Variants in TENM4 observed in about 807,000 individuals in gnomAD.
The protein encoded by TENM4 is teneurin transmembrane protein 4.
A neutral mutation model predicts 243.3 loss-of-function variants in TENM4; 82 were observed. That is an observed-to-expected ratio of 0.34 (90% CI 0.28 to 0.40). TENM4 has a LOEUF of 0.40. Among genes scored for constraint, TENM4 ranks in the 10% least tolerant of loss-of-function variants. TENM4 has a pLI of 1.00. For synonymous variants in TENM4, 1,412 were observed against 1,456.3 expected, an observed-to-expected ratio of 0.97 and a Z score of 0.69; for missense variants, 3,138 against 3,673.3, an observed-to-expected ratio of 0.85 and a Z score of 3.77.
chr11:79,350,979 C>T (rs1857405102), intron 1 of TENM4, among the ~76,000 whole-genome samples: 1 of 152,120 alleles, frequency 6.6e-6, no homozygotes, highest in Non-Finnish European at 1.5e-5. Context: ...TCAGACCTCA[C>T]TGCCTTCCTA....
chr11:79,316,058 T>C (rs1008047709), intron 1 of TENM4, among the ~76,000 whole-genome samples: 13 of 152,216 alleles, frequency 8.5e-5, no homozygotes, highest in African/African-American at 2.7e-4. Context: ...TTATTAGGAA[T>C]TGCATTTTCA....
intron 29 of TENM4, among the ~76,000 whole-genome samples, chr11:78,686,221 G>A (rs570460620): frequency 6.6e-6 from 1 of 152,154 alleles, no homozygotes; most frequent in African/African-American, 2.4e-5. Flanking sequence ...TCCAATGAAG[G>A]CTTCCTAAAA....
Position 78,701,777 on chromosome 11 carries a change from G to A in TENM4, c.4836C>T (p.Tyr1612=). 1 of 1,614,022 alleles carries A rather than the reference G, an allele frequency of 6.2e-7. No homozygotes were observed. Among genetic ancestry groups the A allele is most frequent in the East Asian group, 2.2e-5 (1 of 44,886 alleles). The change falls in exon 28 of 34, where the codon TAC becomes TAT. Residue 1612 remains tyrosine (Y), a synonymous_variant. Coordinates refer to ENST00000278550, the MANE Select transcript of TENM4 (RefSeq NM_001098816.3). ...TGAGTGTGATGTCGCCGTCCCCAGT[G>A]TAGGTGAAGTTGTACAGGTAGTCTC... is the stretch of plus-strand genomic sequence containing the variant. ...PTGDYLYNFT[Y]TGDGDITLIT... is the part of the protein sequence containing the mutation.
At chr11:78,863,185 A>AC in intron 9 of TENM4, 53 bp from the exon 10 acceptor site, 1 of 1,431,574 alleles carries the variant, frequency 7.0e-7, no homozygotes. Context: ...CAGAAACGGG[A>AC]CTCCCAAGCC....
chr11:79,012,125 C>T (rs1469275327), intron 6 of TENM4, among the ~76,000 whole-genome samples: 1 of 152,174 alleles, frequency 6.6e-6, no homozygotes, highest in Non-Finnish European at 1.5e-5. Context: ...ATGAGACCGG[C>T]TCCTCTGTCC....
chr11:78,704,159 CTATATATATATATA>C (rs56026926), intron 27 of TENM4, among the ~76,000 whole-genome samples: 15,586 of 106,036 alleles, frequency 0.15, 1,244 homozygotes, highest in Middle Eastern at 0.24. Context: ...GTATGTGTGT[CTATATATATATATA>C]TATATATATA....
rs141971626 is a variant in TENM4, at chr11:79,004,218, T to TA, written c.493+60519dup. 4.3e-3 allele frequency among the ~76,000 whole-genome samples: 648 copies of TA among 152,240 alleles called. 15 individuals carry two copies. Among genetic ancestry groups the TA allele is most frequent in the East Asian group, 0.032 (168 of 5,172 alleles). On this transcript the variant is annotated intron_variant, in intron 6 of 33. Coordinates refer to ENST00000278550, the MANE Select transcript of TENM4 (RefSeq NM_001098816.3). Reference sequence around the variant, plus strand: ...GGAGCTGTCAATGTCCCACTGACGGTAGGAGATAGATCACCAAGGTAGAAA... The same window carrying TA: ...GGAGCTGTCAATGTCCCACTGACGGTAAGGAGATAGATCACCAAGGTAGAAA...
At chr11:79,241,891 T>C (rs1285297975) in intron 2 of TENM4, among the ~76,000 whole-genome samples, 1 of 152,138 alleles carries the variant, frequency 6.6e-6, no homozygotes, top group African/African-American at 2.4e-5. Flanking sequence ...CCTGGAGTCT[T>C]ATATGGAAGG....
At chr11:79,139,749 AATATATATTATATTTATAT>A (rs1565220786) in intron 4 of TENM4, among the ~76,000 whole-genome samples, 35,363 of 59,342 alleles carry the variant, frequency 0.6, 11,984 homozygotes, top group Middle Eastern at 0.72. Flanking sequence ...ATAAATATAT[AATATATATTATATTTATAT>A]AAATATATAA....
intron 6 of TENM4, among the ~76,000 whole-genome samples, chr11:79,030,606 G>T (rs561427875): frequency 2.2e-4 from 33 of 152,058 alleles, no homozygotes; most frequent in East Asian, 1.5e-3. Flanking sequence ...AAATTTCCTC[G>T]AGCTGCATGC....
At chr11:79,430,202 GAAAA>G (rs1232330143) in intron 1 of TENM4, among the ~76,000 whole-genome samples, 1 of 123,822 alleles carries the variant, frequency 8.1e-6, no homozygotes, top group Non-Finnish European at 1.7e-5. Context: ...AAAAAAAAAA[GAAAA>G]AAGAAAAAAA....
intron 1 of TENM4, among the ~76,000 whole-genome samples, chr11:79,321,390 A>G (rs1331206339): frequency 6.6e-6 from 1 of 152,226 alleles, no homozygotes; most frequent in Non-Finnish European, 1.5e-5. Context: ...TCCTCAGAGC[A>G]TGATCTCATT....
intron 33 of TENM4, among the ~76,000 whole-genome samples, chr11:78,659,333 C>T (rs1388957765): frequency 6.6e-6 from 1 of 152,140 alleles, no homozygotes; most frequent in Non-Finnish European, 1.5e-5. Flanking sequence ...CTAAGGAAAC[C>T]AAGGCTCAAA....
At chr11:79,183,596 T>C (rs1230931206) in intron 3 of TENM4, among the ~76,000 whole-genome samples, 1 of 152,210 alleles carries the variant, frequency 6.6e-6, no homozygotes, top group East Asian at 1.9e-4. Flanking sequence ...GTAACAAATG[T>C]ACCACTCTGG....
chr11:78,964,960 C>T (rs368167533), intron 6 of TENM4, among the ~76,000 whole-genome samples: 16 of 152,202 alleles, frequency 1.1e-4, no homozygotes, highest in East Asian at 1.9e-4. Context: ...CTCCATCTCC[C>T]GGGTTCAAGA....
intron 1 of TENM4, among the ~76,000 whole-genome samples, chr11:79,434,806 G>A (rs1019562881): frequency 6.6e-6 from 1 of 152,094 alleles, no homozygotes; most frequent in East Asian, 1.9e-4. Context: ...CTTTAGTATG[G>A]TATCTGCCTT....
At chr11:79,140,235 G>T (rs1288874395) in intron 4 of TENM4, among the ~76,000 whole-genome samples, 1 of 152,048 alleles carries the variant, frequency 6.6e-6, no homozygotes, top group Non-Finnish European at 1.5e-5. Context: ...CTGCTGTGTG[G>T]TTTCCCTTTC....
At chr11:79,132,855 G>C (rs969954466) in intron 4 of TENM4, among the ~76,000 whole-genome samples, 1 of 152,126 alleles carries the variant, frequency 6.6e-6, no homozygotes, top group Non-Finnish European at 1.5e-5. Context: ...GTGGTGCTAA[G>C]AGGAAAGTTC....
intron 9 of TENM4, among the ~76,000 whole-genome samples, chr11:78,882,336 G>T (rs1855450399): frequency 6.6e-6 from 1 of 152,210 alleles, no homozygotes; most frequent in Non-Finnish European, 1.5e-5. Flanking sequence ...CTTAGCCCCA[G>T]AACATAAAAT....
Sources: gnomAD v4.1 joint callset for allele counts (sites outside exome capture counted in the v4.1 genomes callset) on GRCh38, gnomAD v4.1.1 for gene constraint, MANE v1.5 for transcripts, NCBI Gene and HGNC (gene_info 2026-07-23, HGNC 2026-07-21) for gene names.